CNTN5: variants seen among roughly 807,000 people sequenced by gnomAD.
CNTN5 encodes contactin-5.
A neutral mutation model predicts 129.1 loss-of-function variants in CNTN5; 77 were observed. The observed-to-expected ratio is 0.60, with a 90% CI of 0.50 to 0.72. The LOEUF is 0.72. Ranked by LOEUF, CNTN5 falls within the 30% of genes least tolerant of loss-of-function variation. CNTN5 has a pLI of 0.00. For synonymous variants in CNTN5, 509 were observed against 465.6 expected (o/e 1.09, Z -1.20); for missense variants, 1,478 against 1,328.8 (o/e 1.11, Z -1.75).
At position 99,426,537 on chromosome 11, in the gene CNTN5, A is replaced by G. The variant is rs952003250; in HGVS notation, c.-71+101053A>G. On this transcript the variant is annotated intron_variant, in intron 2 of 24. Transcript: ENST00000524871. ...GTAAGCCTTTTTATAATCTTTTACAATTTTTTTAATTAAAGAGTGGTTAAA... is the reference window on the plus strand; with the variant it reads ...GTAAGCCTTTTTATAATCTTTTACAGTTTTTTTAATTAAAGAGTGGTTAAA... Among the ~76,000 whole-genome samples, 15 of 152,264 alleles carry G rather than the reference A, an allele frequency of 9.9e-5. 1 individual carries two copies. Among genetic ancestry groups the G allele is most frequent in the African/African-American group, 3.6e-4 (15 of 41,558 alleles).
At chr11:99,636,153 G>T (rs968163929) in intron 3 of CNTN5, among the ~76,000 whole-genome samples, 3 of 151,720 alleles carry the variant, frequency 2.0e-5, no homozygotes, top group African/African-American at 7.3e-5. Flanking sequence ...TATACCAATG[G>T]ACACTTCATA....
At chr11:99,356,360 C>G (rs1455544279) in intron 2 of CNTN5, among the ~76,000 whole-genome samples, 4 of 152,104 alleles carry the variant, frequency 2.6e-5, no homozygotes, top group Non-Finnish European at 5.9e-5. Context: ...AGCATTTAAC[C>G]AGGCAGGAGG....
chr11:99,100,489 A>G (rs1329002864), intron 1 of CNTN5, among the ~76,000 whole-genome samples: 2 of 152,116 alleles, frequency 1.3e-5, no homozygotes, highest in Non-Finnish European at 2.9e-5. Context: ...TCTATATTAA[A>G]TATTGTAATT....
intron 13 of CNTN5, 41 bp from the exon 14 acceptor site, chr11:100,191,085 C>T (rs200181440): frequency 1.2e-4 from 173 of 1,403,364 alleles, no homozygotes; most frequent in Non-Finnish European, 1.6e-4. Context: ...TAGCTGATTG[C>T]AGTAAAACAG....
intron 21 of CNTN5, chr11:100,337,313 G>A (rs1952056553): frequency 3.1e-6 from 3 of 979,056 alleles, no homozygotes; most frequent in Non-Finnish European, 5.0e-6. Flanking sequence ...GGATATGAAT[G>A]AGTTCACCAT....
intron 3 of CNTN5, among the ~76,000 whole-genome samples, chr11:99,582,427 A>C (rs148197450): frequency 1.3e-5 from 2 of 152,130 alleles, no homozygotes; most frequent in African/African-American, 2.4e-5. Context: ...GTGTTTTCCA[A>C]CTTGGCTCCA....
chr11:99,410,105 G>T (rs1159676320), intron 2 of CNTN5, among the ~76,000 whole-genome samples: 2 of 152,168 alleles, frequency 1.3e-5, no homozygotes, highest in East Asian at 3.9e-4. Context: ...TTTATAAGAT[G>T]ATTATCAAAA....
At chr11:99,190,515 A>G (rs1253239270) in intron 1 of CNTN5, among the ~76,000 whole-genome samples, 2 of 151,478 alleles carry the variant, frequency 1.3e-5, no homozygotes, top group Non-Finnish European at 3.0e-5. Flanking sequence ...ATTATTAATT[A>G]TTGCAATTCA....
At chr11:100,228,014 G>A (rs781368276) in intron 16 of CNTN5, among the ~76,000 whole-genome samples, 5 of 152,116 alleles carry the variant, frequency 3.3e-5, no homozygotes, top group Non-Finnish European at 7.4e-5. Flanking sequence ...AATGTTAGAA[G>A]TATGTTTTCT....
chr11:100,052,115 G>A (rs574977054), intron 9 of CNTN5, among the ~76,000 whole-genome samples: 10 of 151,520 alleles, frequency 6.6e-5, no homozygotes, highest in African/African-American at 1.7e-4. Context: ...CACATGAATG[G>A]GATAAAAGAA....
intron 3 of CNTN5, among the ~76,000 whole-genome samples, chr11:99,662,884 G>C (rs1005253492): frequency 6.6e-6 from 1 of 152,176 alleles, no homozygotes; most frequent in African/African-American, 2.4e-5. Flanking sequence ...TATAATTTGA[G>C]AAGCTCTGCT....
chr11:99,349,212 A>G (rs1191807003), intron 2 of CNTN5, among the ~76,000 whole-genome samples: 1 of 152,198 alleles, frequency 6.6e-6, no homozygotes, highest in African/African-American at 2.4e-5. Context: ...GCAATATTAC[A>G]GTCACAAGCT....
intron 3 of CNTN5, among the ~76,000 whole-genome samples, chr11:99,680,216 A>G (rs893644153): frequency 6.6e-6 from 1 of 152,158 alleles, no homozygotes; most frequent in Non-Finnish European, 1.5e-5. Context: ...ACAAATTTTC[A>G]ATATAGATGA....
chr11:100,327,600 T>C (rs942950270), intron 21 of CNTN5, among the ~76,000 whole-genome samples: 1 of 152,198 alleles, frequency 6.6e-6, no homozygotes, highest in South Asian at 2.1e-4. Flanking sequence ...GGTGTGATCA[T>C]TTATTCAACA....
chr11:99,251,291 CTCTG>C (rs1565438426), intron 1 of CNTN5, among the ~76,000 whole-genome samples: 1 of 151,882 alleles, frequency 6.6e-6, no homozygotes, highest in African/African-American at 2.4e-5. Flanking sequence ...GTGATCTTTA[CTCTG>C]TCTGGTTAAT....
intron 2 of CNTN5, among the ~76,000 whole-genome samples, chr11:99,335,971 C>T (rs1866204504): frequency 6.6e-6 from 1 of 152,012 alleles, no homozygotes; most frequent in Non-Finnish European, 1.5e-5. Flanking sequence ...AGTCAGATTC[C>T]CTGGAAACAC....
intron 2 of CNTN5, among the ~76,000 whole-genome samples, chr11:99,531,958 C>T (rs1947725313): frequency 6.6e-6 from 1 of 152,134 alleles, no homozygotes; most frequent in African/African-American, 2.4e-5. Context: ...AGAACCCACA[C>T]AGAGTCCCTT....
At chr11:100,134,427 C>T (rs1475460118) in intron 13 of CNTN5, among the ~76,000 whole-genome samples, 4 of 152,030 alleles carry the variant, frequency 2.6e-5, no homozygotes, top group Admixed American at 2.6e-4. Context: ...AATTATGACA[C>T]GGGTGGTAGG....
intron 13 of CNTN5, among the ~76,000 whole-genome samples, chr11:100,092,048 A>T (rs1944808030): frequency 6.6e-6 from 1 of 152,104 alleles, no homozygotes; most frequent in Admixed American, 6.6e-5. Context: ...AACAAAAATC[A>T]TATTATTATG....
Sources: allele counts gnomAD v4.1 joint callset (sites outside exome capture counted in the v4.1 genomes callset), GRCh38; gene constraint gnomAD v4.1.1; transcripts MANE v1.5; gene names NCBI Gene and HGNC (gene_info 2026-07-23, HGNC 2026-07-21).